PRELID2: variants seen among roughly 807,000 people sequenced by gnomAD.
PRELID2 encodes the protein PRELI domain-containing protein 2.
In PRELID2, 25 loss-of-function variants were observed where a neutral mutation model predicts 28.4. That is an observed-to-expected ratio of 0.88 (90% CI 0.64 to 1.23). The LOEUF is 1.23. Among genes scored for constraint, PRELID2 ranks in the 50% most tolerant of loss-of-function variants. PRELID2 has a pLI of 0.00. For synonymous variants in PRELID2, 76 were observed against 71.6 expected, an observed-to-expected ratio of 1.06 and a Z score of -0.31; for missense variants, 201 against 214.4, an observed-to-expected ratio of 0.94 and a Z score of 0.39.
At chr5:145,745,442 G>T (rs1756963885) in intron 1 of PRELID2, among the ~76,000 whole-genome samples, 1 of 152,154 alleles carries the variant, frequency 6.6e-6, no homozygotes, top group Admixed American at 6.5e-5. Flanking sequence ...AGGAAAAAAT[G>T]TTAAAGGTGG....
intron 1 of PRELID2, among the ~76,000 whole-genome samples, chr5:145,511,337 C>G (rs898085453): frequency 9.2e-5 from 14 of 152,238 alleles, no homozygotes; most frequent in African/African-American, 3.4e-4. Flanking sequence ...AGCATTATCT[C>G]TTCTAAATCT....
chr5:145,530,858 C>T (rs1056408334), intron 1 of PRELID2, among the ~76,000 whole-genome samples: 2 of 151,924 alleles, frequency 1.3e-5, no homozygotes, highest in African/African-American at 4.8e-5. Flanking sequence ...GAACTAGAAC[C>T]ATGCCATGTA....
At chr5:145,382,537 A>C in the PRELID2 span, among the ~76,000 whole-genome samples, 1 of 152,074 alleles carries the variant, frequency 6.6e-6, no homozygotes, top group Non-Finnish European at 1.5e-5. Flanking sequence ...TTTTGTCAAA[A>C]ACAATAGAGT....
rs537590335 is a variant in PRELID2 at position 145,758,823 on chromosome 5, A to G, written c.*1713T>C. ...ACACTATGAAGCTGAAAAGAAATTA[A>G]GAGACAAAATTCAGGCAGCACAAAG... On this transcript the variant is annotated 3_prime_UTR_variant, in exon 7 of 7. Transcript: ENST00000683046. 7.0e-3 allele frequency among the ~76,000 whole-genome samples: 1,072 copies of G among 152,258 alleles called. 5 individuals are homozygous for G. Among genetic ancestry groups the G allele is most frequent in the Non-Finnish European group, 8.7e-3 (591 of 68,022 alleles).
In PRELID2 at chr5:145,769,324, C is replaced by T. The variant is rs140294218; in HGVS notation, c.475-4324G>A. ...CAGGTTCATTTCCCTAATACCAGAG[C>T]TGTGCTGACCAAATGTATCCCCACA... On this transcript the variant is annotated intron_variant, in intron 5 of 6. Coordinates refer to ENST00000683046, the MANE Select transcript of PRELID2 (RefSeq NM_205846.3). Among the ~76,000 whole-genome samples, 1,139 of 152,226 alleles carry T rather than the reference C, an allele frequency of 7.5e-3. 12 individuals carry two copies. The highest frequency in any genetic ancestry group is 0.025 in the African/African-American group (1,053 of 41,524).
chr5:145,695,509 C>G (rs1475868251), intron 1 of PRELID2, among the ~76,000 whole-genome samples: 1 of 152,210 alleles, frequency 6.6e-6, no homozygotes. Context: ...TCCAGTGCCA[C>G]CTCCAACCTG....
intron 1 of PRELID2, among the ~76,000 whole-genome samples, chr5:145,679,089 A>T (rs1270591446): frequency 3.3e-5 from 5 of 152,192 alleles, no homozygotes; most frequent in Non-Finnish European, 5.9e-5. Flanking sequence ...TGCATTTGGG[A>T]AAGGCTCTCT....
chr5:145,741,419 T>A lies in PRELID2; in HGVS notation n.70+23512A>T, dbSNP rs1473256301. Among the ~76,000 whole-genome samples, 84 of 82,002 alleles carry A rather than the reference T, an allele frequency of 1.0e-3. 1 individual carries two copies. Among genetic ancestry groups the A allele is most frequent in the African/African-American group, 2.5e-3 (48 of 19,460 alleles). The allele number at this position is 82,002 out of a possible 152,430, so 53.8% of individuals were successfully genotyped here. On this transcript the variant is annotated intron_variant and non_coding_transcript_variant, in intron 1 of 2. Transcript: ENST00000510259. ...ATATATAAACAAAATTTATTTATAA[T>A]TTATTTATATATAAACAAAATTTAT...
intron 1 of PRELID2, among the ~76,000 whole-genome samples, chr5:145,603,641 A>G (rs1753431242): frequency 6.6e-6 from 1 of 152,142 alleles, no homozygotes; most frequent in Non-Finnish European, 1.5e-5. Flanking sequence ...AAAAGGATAA[A>G]TATACAGGAA....
chr5:145,262,407 A>T, the PRELID2 span, among the ~76,000 whole-genome samples: 1,604 of 152,190 alleles, frequency 0.011, 18 homozygotes, highest in Non-Finnish European at 0.014. Context: ...AGAAAAAATG[A>T]AGAAAAAAAA....
At chr5:145,498,472 C>A (rs1462069906) in intron 1 of PRELID2, among the ~76,000 whole-genome samples, 2 of 152,060 alleles carry the variant, frequency 1.3e-5, no homozygotes, top group Non-Finnish European at 2.9e-5. Flanking sequence ...CCAGTTTGGA[C>A]AATGCAGTGA....
At chr5:145,685,286 T>A (rs551104453) in intron 1 of PRELID2, among the ~76,000 whole-genome samples, 29 of 152,192 alleles carry the variant, frequency 1.9e-4, no homozygotes, top group Non-Finnish European at 3.5e-4. Context: ...CAAAGCCACC[T>A]CTTACCTCCC....
intron 1 of PRELID2, among the ~76,000 whole-genome samples, chr5:145,742,539 A>T (rs1002778673): frequency 1.7e-4 from 25 of 149,330 alleles, no homozygotes; most frequent in African/African-American, 6.1e-4. Flanking sequence ...ACCAAAAAAA[A>T]AAAAAAAGAA....
At chr5:145,673,393 T>TA (rs1754749464) in intron 1 of PRELID2, among the ~76,000 whole-genome samples, 1 of 151,908 alleles carries the variant, frequency 6.6e-6, no homozygotes, top group African/African-American at 2.4e-5. Flanking sequence ...TCAAAACAGA[T>TA]AAATGTTTTG....
At position 145,741,862 on chromosome 5, in the gene PRELID2, T is replaced by TTA. The variant is rs1561568695; in HGVS notation, n.70+23068_70+23069insTA. ...AAATATATAAAACATTTTTATAATT[T>TTA]AATTTAATAAATAAATTTAACAAAT... On this transcript the variant is annotated intron_variant and non_coding_transcript_variant, in intron 1 of 2. Transcript: ENST00000510259. Among the ~76,000 whole-genome samples the TTA allele has an allele frequency of 1.0e-4, 3 of 29,272 alleles. No individual in the cohort carries two copies. In the Admixed American group the frequency reaches 1.5e-3, roughly 15 times the overall value. 19.2% of individuals were successfully genotyped at this position (29,272 alleles called of 152,430 possible). A position where few individuals can be genotyped will look rare whatever the true frequency, so the allele number is the denominator to read the frequency against.
At chr5:145,412,626 A>T in the PRELID2 span, among the ~76,000 whole-genome samples, 2 of 152,084 alleles carry the variant, frequency 1.3e-5, no homozygotes, top group East Asian at 3.9e-4. Context: ...GAGTCCTCCA[A>T]ACTGTTCCAA....
chr5:145,373,178 AAT>A, the PRELID2 span, among the ~76,000 whole-genome samples: 2 of 34,516 alleles, frequency 5.8e-5, no homozygotes, highest in Non-Finnish European at 4.7e-5. Flanking sequence ...CAACATATAT[AAT>A]ATATATGATA....
chr5:145,498,782 G>A (rs1273427152), intron 1 of PRELID2, among the ~76,000 whole-genome samples: 1 of 151,774 alleles, frequency 6.6e-6, no homozygotes, highest in African/African-American at 2.4e-5. Flanking sequence ...CTGACCTCAA[G>A]TGATCTGCTG....
chr5:145,610,385 A>G (rs1561518883), intron 1 of PRELID2, among the ~76,000 whole-genome samples: 1 of 152,100 alleles, frequency 6.6e-6, no homozygotes, highest in Non-Finnish European at 1.5e-5. Context: ...AGTGCTCATG[A>G]GCTGCTTCTA....
Sources: gnomAD v4.1 joint callset for allele counts (sites outside exome capture counted in the v4.1 genomes callset) on GRCh38, gnomAD v4.1.1 for gene constraint, MANE v1.5 for transcripts, NCBI Gene and HGNC (gene_info 2026-07-23, HGNC 2026-07-21) for gene names.